Variants in MAPRE2 observed in about 807,000 individuals in gnomAD.
The protein encoded by MAPRE2 is microtubule associated protein RP/EB family member 2.
In MAPRE2, 13 loss-of-function variants were observed where a neutral mutation model predicts 43.2. The ratio of observed to expected loss-of-function variants is 0.30; its 90% confidence interval spans 0.20 to 0.48. MAPRE2 has a LOEUF of 0.48. MAPRE2 is among the 20% of genes least tolerant of loss of function. The pLI is 0.99. For missense variants in MAPRE2, 161 were observed against 400.2 expected, an observed-to-expected ratio of 0.40 and a Z score of 5.10; for synonymous variants, 135 against 148.8, an observed-to-expected ratio of 0.91 and a Z score of 0.68.
intron 4 of MAPRE2, among the ~76,000 whole-genome samples, chr18:35,110,120 G>T (rs975155378): frequency 3.3e-5 from 5 of 151,944 alleles, no homozygotes; most frequent in Non-Finnish European, 7.4e-5. Context: ...CCCTATAGTT[G>T]TCATATGTAT....
At chr18:35,125,029 A>C (rs1029307996) in intron 4 of MAPRE2, among the ~76,000 whole-genome samples, 1 of 152,082 alleles carries the variant, frequency 6.6e-6, no homozygotes, top group African/African-American at 2.4e-5. Flanking sequence ...GAGAATATTC[A>C]AACTATTTTA....
At chr18:35,081,863 G>A (rs1264816956) in intron 2 of MAPRE2, 3 of 152,116 alleles carry the variant, frequency 2.0e-5, no homozygotes, top group Non-Finnish European at 2.9e-5. Flanking sequence ...CATACATAGA[G>A]TTCATGTAGT....
intron 2 of MAPRE2, among the ~76,000 whole-genome samples, chr18:35,096,459 A>T (rs544029263): frequency 1.3e-5 from 2 of 152,178 alleles, no homozygotes; most frequent in African/African-American, 2.4e-5. Flanking sequence ...GCTTGCCAGA[A>T]TTTCCCAGTT....
chr18:35,042,306 A>G (rs571059757), intron 1 of MAPRE2, among the ~76,000 whole-genome samples: 1 of 152,166 alleles, frequency 6.6e-6, no homozygotes, highest in Admixed American at 6.5e-5. Flanking sequence ...GCTGTTATGC[A>G]TTTTCTAAGG....
intron 2 of MAPRE2, among the ~76,000 whole-genome samples, chr18:35,015,995 A>C (rs2097038008): frequency 6.6e-6 from 1 of 151,792 alleles, no homozygotes; most frequent in Admixed American, 6.6e-5. Context: ...TATTGTTGCC[A>C]TCTTTATGTC....
intron 4 of MAPRE2, 47 bp from the exon 5 acceptor site, chr18:35,126,900 AC>A: frequency 6.4e-7 from 1 of 1,564,182 alleles, no homozygotes; most frequent in South Asian, 1.1e-5. Flanking sequence ...TATCTAAAAC[AC>A]ACTTTTAATA....
chr18:35,049,352 G>A (rs2150604035), intron 1 of MAPRE2, among the ~76,000 whole-genome samples: 1 of 152,208 alleles, frequency 6.6e-6, no homozygotes. Flanking sequence ...TATCATTTTG[G>A]AGTGCCAGAA....
rs2097019437 is a variant in MAPRE2 at position 34,985,319 on chromosome 18, T to TATATTATATACA, written c.-70+8244_-70+8245insTATATACAATAT. ...ATTATATATTGTATATATTATATTA[T>TATATTATATACA]ATATATAATATAATATATAATATAT... On this transcript the variant is annotated intron_variant, in intron 1 of 7. Transcript: ENST00000413393. Among the ~76,000 whole-genome samples, 2 of 43,886 alleles carry TATATTATATACA rather than the reference T, an allele frequency of 4.6e-5. 1 individual carries two copies. The highest frequency in any genetic ancestry group is 1.9e-4 in the African/African-American group (2 of 10,304). The allele number at this position is 43,886 out of a possible 152,430, so 28.8% of individuals were successfully genotyped here.
intron 1 of MAPRE2, among the ~76,000 whole-genome samples, chr18:34,977,608 C>A (rs552191239): frequency 1.3e-3 from 194 of 152,322 alleles, no homozygotes; most frequent in African/African-American, 4.6e-3. Context: ...TTGGGAGCAT[C>A]CCCTGGACCC....
intron 1 of MAPRE2, among the ~76,000 whole-genome samples, chr18:34,990,484 A>G (rs1226861014): frequency 1.3e-5 from 2 of 152,030 alleles, no homozygotes; most frequent in Non-Finnish European, 2.9e-5. Flanking sequence ...AGGTGTTGGG[A>G]TATTTTTGTC....
intron 4 of MAPRE2, among the ~76,000 whole-genome samples, chr18:35,118,636 T>A (rs1603402936): frequency 6.6e-6 from 1 of 152,154 alleles, no homozygotes; most frequent in Admixed American, 6.5e-5. Context: ...CCCTGGTCTG[T>A]TCTCAACACA....
At chr18:35,064,630 G>T (rs1906742523) in intron 1 of MAPRE2, among the ~76,000 whole-genome samples, 1 of 152,090 alleles carries the variant, frequency 6.6e-6, no homozygotes, top group Non-Finnish European at 1.5e-5. Flanking sequence ...TAAGCTTTAG[G>T]TGCAGAACTG....
At chr18:35,081,294 T>G (rs1907617102) in intron 2 of MAPRE2, among the ~76,000 whole-genome samples, 1 of 152,230 alleles carries the variant, frequency 6.6e-6, no homozygotes, top group South Asian at 2.1e-4. Flanking sequence ...TTCTTCAAAC[T>G]GATTTGGGAT....
chr18:35,062,185 A>C (rs542923960), intron 1 of MAPRE2, among the ~76,000 whole-genome samples: 1 of 152,276 alleles, frequency 6.6e-6, no homozygotes, highest in East Asian at 1.9e-4. Flanking sequence ...ATGGGACTGA[A>C]TATCTTCATT....
intron 1 of MAPRE2, among the ~76,000 whole-genome samples, chr18:35,065,872 AACAAC>A (rs1168342982): frequency 9.2e-5 from 14 of 152,218 alleles, no homozygotes; most frequent in Admixed American, 2.0e-4. Flanking sequence ...CCAGGTCTTA[AACAAC>A]ACAGTGATCT....
Position 35,048,927 on chromosome 18 carries a change from G to A in MAPRE2, c.122+7266G>A, listed in dbSNP as rs550487430. ...TCACATTTTAATTGTGTGCAAAATC[G>A]ATCCTGAAGTTTATGGCCAATGTTT... is the stretch of plus-strand genomic sequence containing the variant. On this transcript the variant is annotated intron_variant, in intron 1 of 6. Transcript: ENST00000300249. Among the ~76,000 whole-genome samples, 12 of 151,950 alleles carry A rather than the reference G, an allele frequency of 7.9e-5. No homozygotes were observed. The South Asian group carries it at 8.3e-4, about 11-fold the overall frequency.
intron 5 of MAPRE2, among the ~76,000 whole-genome samples, chr18:35,128,389 G>C (rs1371321910): frequency 6.6e-6 from 1 of 152,134 alleles, no homozygotes; most frequent in Non-Finnish European, 1.5e-5. Context: ...GTAATGCCTT[G>C]GACCTAAAGT....
At position 35,121,358 on chromosome 18, in the gene MAPRE2, TC is replaced by T. The variant is rs564235168; in HGVS notation, c.611-5588del. Among the ~76,000 whole-genome samples the T allele has an allele frequency of 1.9e-3, 295 of 152,268 alleles. 1 individual carries two copies. Among genetic ancestry groups the T allele is most frequent in the South Asian group, 9.1e-3 (44 of 4,826 alleles). On this transcript the variant is annotated intron_variant, in intron 4 of 6. Transcript: ENST00000300249. ...TCAGAATCATATTTATACCCCCAAA[TC>T]CTAAAGGCATTAATTAAGACACAAC...
intron 2 of MAPRE2, among the ~76,000 whole-genome samples, chr18:35,092,232 G>A (rs1160295342): frequency 6.6e-6 from 1 of 152,194 alleles, no homozygotes; most frequent in African/African-American, 2.4e-5. Flanking sequence ...AGATGTGGGT[G>A]GGGACGCAGA....
Sources: gnomAD v4.1 joint callset for allele counts (sites outside exome capture counted in the v4.1 genomes callset) on GRCh38, gnomAD v4.1.1 for gene constraint, MANE v1.5 for transcripts, NCBI Gene and HGNC (gene_info 2026-07-23, HGNC 2026-07-21) for gene names.